The following RUFY4 variants were observed in gnomAD, a reference collection of about 807,000 sequenced individuals.
RUFY4 encodes the protein RUN and FYVE domain-containing protein 4.
RUFY4 carries 73 observed loss-of-function variants against 69.0 expected under a neutral mutation model. The observed-to-expected ratio is 1.06, with a 90% CI of 0.88 to 1.29. The LOEUF (loss-of-function observed/expected upper bound fraction) is 1.29, where lower values mean the gene tolerates loss of function less well. Ranked by LOEUF, RUFY4 falls within the 50% of genes most tolerant of loss-of-function variation. The pLI is 0.00. For missense variants in RUFY4, 770 were observed against 705.6 expected, an observed-to-expected ratio of 1.09 and a Z score of -1.03; for synonymous variants, 287 against 271.8, an observed-to-expected ratio of 1.06 and a Z score of -0.55.
chr2:218,057,652 C>A (rs1245931310), intron 2 of RUFY4, among the ~76,000 whole-genome samples: 1 of 152,216 alleles, frequency 6.6e-6, no homozygotes, highest in Non-Finnish European at 1.5e-5. Flanking sequence ...ACTTCTATCA[C>A]CCCAAAAAGA....
intron 2 of RUFY4, among the ~76,000 whole-genome samples, chr2:218,036,112 G>T (rs1331244674): frequency 6.6e-6 from 1 of 152,210 alleles, no homozygotes; most frequent in African/African-American, 2.4e-5. Flanking sequence ...TGTGCCCCAG[G>T]TTCCCCTCTA....
chr2:218,076,607 A>G (rs1559435179), intron 8 of RUFY4, 74 bp downstream of exon 10: 1 of 1,528,110 alleles, frequency 6.5e-7, no homozygotes. Flanking sequence ...CGGTCAAGCC[A>G]GTGAGGTCTT....
At position 218,089,378 on chromosome 2, in the gene RUFY4, C is replaced by T; in HGVS notation, c.1613+16C>T. 1.9e-6 allele frequency: 3 copies of T among 1,604,716 alleles called. No individual in the cohort carries two copies. The highest frequency in any genetic ancestry group is 2.6e-6 in the Non-Finnish European group (3 of 1,172,568). ...ATCCATGCAGGTAAAGGGAAGGGCA[C>T]AGAATCCTCCCTCTGGGACAGCCCA... On this transcript the variant is annotated intron_variant, in intron 10 of 10. Transcript: ENST00000344321.
intron 2 of RUFY4, among the ~76,000 whole-genome samples, chr2:218,047,538 C>A (rs745481520): frequency 2.6e-5 from 4 of 152,126 alleles, no homozygotes; most frequent in Non-Finnish European, 4.4e-5. Flanking sequence ...AAATACATCT[C>A]ACTTTTAAAA....
chr2:218,037,361 C>T (rs1015446987), intron 2 of RUFY4, among the ~76,000 whole-genome samples: 2 of 151,948 alleles, frequency 1.3e-5, no homozygotes, highest in Non-Finnish European at 1.5e-5. Flanking sequence ...ATGAGCAGGG[C>T]TACAATCTAA....
At chr2:218,040,756 A>G (rs1347873764) in intron 2 of RUFY4, among the ~76,000 whole-genome samples, 1 of 152,094 alleles carries the variant, frequency 6.6e-6, no homozygotes, top group Non-Finnish European at 1.5e-5. Context: ...GGAACATACT[A>G]AAATGTGTGT....
intron 2 of RUFY4, among the ~76,000 whole-genome samples, chr2:218,053,681 T>C (rs1688995489): frequency 6.6e-6 from 1 of 151,544 alleles, no homozygotes; most frequent in Admixed American, 6.6e-5. Flanking sequence ...GGCTAATTTT[T>C]TTGTATTTTT....
In RUFY4 at chr2:218,073,505, C is replaced by G. The variant is rs983081098; in HGVS notation, c.530+119C>G. 12 of 1,374,822 alleles carry G rather than the reference C, an allele frequency of 8.7e-6. No individual in the cohort carries two copies. In the African/African-American group the frequency reaches 1.6e-4, roughly 18 times the overall value. 85.2% of individuals were successfully genotyped at this position (1,374,822 alleles called of 1,614,324 possible). A position where few individuals can be genotyped will look rare whatever the true frequency, so the allele number is the denominator to read the frequency against. On this transcript the variant is annotated intron_variant, in intron 5 of 10. Transcript: ENST00000344321. ...CCCCATCTGTCTCTGCCTCCTTTTG[C>G]TCCATGCCTTTGGATTCTTCTAGCC...
At chr2:218,061,298 A>G in intron 3 of RUFY4, 1 of 321,036 alleles carries the variant, frequency 3.1e-6, no homozygotes, top group Non-Finnish European at 6.2e-6. Context: ...ATTCTGGCCA[A>G]CATGGGGCAG....
At chr2:218,076,336 G>A in intron 7 of RUFY4, 91 bp from the exon 10 acceptor site, 3 of 1,484,724 alleles carry the variant, frequency 2.0e-6, no homozygotes, top group East Asian at 2.6e-5. Flanking sequence ...CATGGCCTGG[G>A]GTCTCTCGGG....
rs181485148 is a variant in RUFY4, at chr2:218,083,459, G to A, written c.1502+203G>A. ...AAAGGAAACTGAGGGTCAGAAATAA[G>A]GCAGACTTGGCCAGGCGCAGTGGTT... On this transcript the variant is annotated intron_variant, in intron 9 of 10. Coordinates refer to ENST00000344321, the Ensembl canonical transcript of RUFY4. Among the ~76,000 whole-genome samples the A allele has an allele frequency of 2.1e-3, 325 of 152,204 alleles. 2 individuals are homozygous for A. Among genetic ancestry groups the A allele is most frequent in the African/African-American group, 7.1e-3 (294 of 41,522 alleles).
chr2:218,041,090 T>C (rs1323711744), intron 2 of RUFY4, among the ~76,000 whole-genome samples: 1 of 152,038 alleles, frequency 6.6e-6, no homozygotes, highest in Non-Finnish European at 1.5e-5. Context: ...TCCCTGGAAT[T>C]GATGATAGGA....
intron 2 of RUFY4, among the ~76,000 whole-genome samples, chr2:218,057,851 G>T (rs1331280523): frequency 6.6e-6 from 1 of 152,188 alleles, no homozygotes; most frequent in Non-Finnish European, 1.5e-5. Flanking sequence ...TTAAACTACT[G>T]CATTCACAGT....
At chr2:218,067,777 C>G (rs1689378872), upstream of RUFY4, among the ~76,000 whole-genome samples, 3 of 152,182 alleles carry the variant, frequency 2.0e-5, no homozygotes, top group African/African-American at 7.2e-5. Context: ...ACCTCCACTG[C>G]CCCTGGCACC....
In RUFY4 at chr2:218,072,760, G is replaced by T; in HGVS notation, c.280-19G>T. The T allele has an allele frequency of 6.7e-7, 1 of 1,488,278 alleles. No homozygotes were observed. The highest frequency in any genetic ancestry group is 8.9e-7 in the Non-Finnish European group (1 of 1,121,214). The allele number at this position is 1,488,278 out of a possible 1,614,324, so 92.2% of individuals were successfully genotyped here. Reference sequence around the variant, plus strand: ...TTGTCCTAATACTGCTCCCCATTCTGCCCCTGTGCACTCTGCAGTTGAAGA... The same window carrying T: ...TTGTCCTAATACTGCTCCCCATTCTTCCCCTGTGCACTCTGCAGTTGAAGA... On this transcript the variant is annotated intron_variant, in intron 3 of 10. Coordinates refer to ENST00000344321, the Ensembl canonical transcript of RUFY4.
At chr2:218,060,586 G>A in intron 3 of RUFY4, 1 of 1,333,826 alleles carries the variant, frequency 7.5e-7, no homozygotes, top group Non-Finnish European at 1.1e-6. Flanking sequence ...GGTCATCTGG[G>A]TTCCCATGAG....
upstream of RUFY4, among the ~76,000 whole-genome samples, chr2:218,064,659 C>T (rs560882459): frequency 6.6e-6 from 1 of 152,246 alleles, no homozygotes; most frequent in East Asian, 1.9e-4. Flanking sequence ...CCACCCCAGG[C>T]AGCTTTAGGA....
Position 218,072,450 on chromosome 2 carries a change from G to C in RUFY4, c.230G>C (p.Arg77Pro), listed in dbSNP as rs550813084. The stretch of plus-strand genomic sequence containing the variant: ...GACTTTCTCTGCACTGCCCTACGAC[G>C]GCAGCGGGGAAACATGGAGCCAATC... Residue 77 changes from arginine (R) to proline (P), a missense_variant, in exon 3 of 11, where the codon CGG becomes CCG. Coordinates refer to ENST00000344321, the Ensembl canonical transcript of RUFY4. The C allele has an allele frequency of 2.9e-4, 440 of 1,537,324 alleles. 3 individuals are homozygous for C. The highest frequency in any genetic ancestry group is 1.7e-4 in the Middle Eastern group (1 of 5,922).
At chr2:218,090,014 G>A in exon 11 of RUFY4, 6 of 1,563,592 alleles carry the variant, frequency 3.8e-6, no homozygotes, top group African/African-American at 1.4e-5. Flanking sequence ...GACCGCTGCT[G>A]CCCACCCTGC....
Sources: allele counts gnomAD v4.1 joint callset (sites outside exome capture counted in the v4.1 genomes callset), GRCh38; gene constraint gnomAD v4.1.1; transcripts MANE v1.5; gene names NCBI Gene and HGNC (gene_info 2026-07-23, HGNC 2026-07-21).